ERC2: variants seen among roughly 807,000 people sequenced by gnomAD.
ERC2 encodes ELKS/RAB6-interacting/CAST family member 2, also known as ERC protein 2.
ERC2 carries 42 observed loss-of-function variants against 114.8 expected under a neutral mutation model. That is an observed-to-expected ratio of 0.37 (90% CI 0.29 to 0.47). ERC2 has a LOEUF of 0.47. ERC2 is among the 20% of genes least tolerant of loss of function. The probability of loss-of-function intolerance (pLI) is 0.99; values close to 1 mark genes in which losing one functional copy is unlikely to be tolerated. For missense variants in ERC2, 939 were observed against 1,150.7 expected (o/e 0.82, Z 2.66); for synonymous variants, 454 against 425.5 (o/e 1.07, Z -0.82).
chr3:55,819,633 A>C (rs1256202046), intron 14 of ERC2, among the ~76,000 whole-genome samples: 1 of 152,246 alleles, frequency 6.6e-6, no homozygotes, highest in East Asian at 1.9e-4. Flanking sequence ...CCACACACAG[A>C]GAGAAAAGAA....
intron 17 of ERC2, among the ~76,000 whole-genome samples, chr3:55,633,496 G>C (rs978595601): frequency 6.6e-6 from 1 of 152,076 alleles, no homozygotes; most frequent in African/African-American, 2.4e-5. Context: ...TGGCATATCT[G>C]TCTCCCTCTA....
At chr3:56,242,556 G>T (rs2051395021) in intron 3 of ERC2, among the ~76,000 whole-genome samples, 1 of 152,034 alleles carries the variant, frequency 6.6e-6, no homozygotes, top group Non-Finnish European at 1.5e-5. Context: ...ATAACAAAAT[G>T]AATACTTAGG....
chr3:55,754,211 A>G (rs1160788746), intron 14 of ERC2, among the ~76,000 whole-genome samples: 1 of 152,036 alleles, frequency 6.6e-6, no homozygotes. Context: ...TTAAAAAACC[A>G]GGAGAGAAAA....
At chr3:56,278,267 A>T (rs553666314) in intron 3 of ERC2, among the ~76,000 whole-genome samples, 1 of 152,216 alleles carries the variant, frequency 6.6e-6, no homozygotes, top group Non-Finnish European at 1.5e-5. Flanking sequence ...CTGTGTTCCA[A>T]TCCCCTGAGA....
At chr3:55,587,217 G>A (rs1027340165) in intron 17 of ERC2, among the ~76,000 whole-genome samples, 4 of 151,914 alleles carry the variant, frequency 2.6e-5, no homozygotes, top group Middle Eastern at 3.4e-3. Context: ...GCAATGGCAC[G>A]ATCTCGGCTC....
intron 4 of ERC2, among the ~76,000 whole-genome samples, chr3:56,155,111 A>G (rs1480396181): frequency 1.3e-5 from 2 of 152,142 alleles, no homozygotes; most frequent in Non-Finnish European, 2.9e-5. Flanking sequence ...TATCGCACAT[A>G]TCTATTACTT....
intron 2 of ERC2, among the ~76,000 whole-genome samples, chr3:56,361,535 G>C (rs2058958107): frequency 6.6e-6 from 1 of 152,118 alleles, no homozygotes; most frequent in Admixed American, 6.6e-5. Context: ...AAATATAAAT[G>C]GTCAAGACTC....
At chr3:56,247,676 T>G (rs2051811010) in intron 3 of ERC2, among the ~76,000 whole-genome samples, 1 of 152,224 alleles carries the variant, frequency 6.6e-6, no homozygotes, top group South Asian at 2.1e-4. Flanking sequence ...ATGGTTCTAA[T>G]GAGCCCCTGA....
At chr3:55,769,060 G>A (rs1029503885) in intron 14 of ERC2, among the ~76,000 whole-genome samples, 14 of 152,074 alleles carry the variant, frequency 9.2e-5, no homozygotes, top group African/African-American at 3.4e-4. Context: ...ATGATGAACT[G>A]GGATGAGTGT....
chr3:56,448,217 T>C (rs2062669955), intron 1 of ERC2, among the ~76,000 whole-genome samples: 1 of 152,094 alleles, frequency 6.6e-6, no homozygotes. Flanking sequence ...CTTGTTGGGG[T>C]CTCTCTTCCC....
chr3:55,560,078 C>T (rs987107874), intron 17 of ERC2, among the ~76,000 whole-genome samples: 4 of 152,170 alleles, frequency 2.6e-5, no homozygotes, highest in Admixed American at 2.0e-4. Flanking sequence ...CCCTTCCTAG[C>T]TCCAGGAAAA....
At chr3:56,441,753 G>C (rs940552826) in intron 1 of ERC2, among the ~76,000 whole-genome samples, 1 of 152,152 alleles carries the variant, frequency 6.6e-6, no homozygotes, top group African/African-American at 2.4e-5. Context: ...CACCATGTTG[G>C]CTAGGCTGGT....
chr3:55,713,479 A>T (rs2148863527), intron 15 of ERC2, among the ~76,000 whole-genome samples: 1 of 152,240 alleles, frequency 6.6e-6, no homozygotes, highest in East Asian at 1.9e-4. Context: ...GGCCTCCCAA[A>T]GTGCTGGGAT....
At chr3:56,062,125 T>C (rs2076268612) in intron 7 of ERC2, among the ~76,000 whole-genome samples, 1 of 152,210 alleles carries the variant, frequency 6.6e-6, no homozygotes, top group Non-Finnish European at 1.5e-5. Flanking sequence ...TTTAAAAGCC[T>C]AATTTGATTT....
At chr3:56,032,909 A>AG (rs1560056192) in intron 7 of ERC2, among the ~76,000 whole-genome samples, 9 of 56,924 alleles carry the variant, frequency 1.6e-4, no homozygotes, top group East Asian at 4.1e-4. Context: ...GACAGAAAGA[A>AG]AGAAAGAAAG....
intron 3 of ERC2, among the ~76,000 whole-genome samples, chr3:56,261,237 C>T (rs563635064): frequency 6.6e-6 from 1 of 152,278 alleles, no homozygotes; most frequent in South Asian, 2.1e-4. Flanking sequence ...AGAAGCTTTC[C>T]TTGCCCTCTC....
At chr3:56,340,791 G>A (rs970276250) in intron 2 of ERC2, among the ~76,000 whole-genome samples, 5 of 152,064 alleles carry the variant, frequency 3.3e-5, no homozygotes, top group Non-Finnish European at 7.4e-5. Flanking sequence ...CCTCAACAAT[G>A]AGCCAGATTT....
intron 7 of ERC2, among the ~76,000 whole-genome samples, chr3:56,050,072 G>C (rs2075690938): frequency 6.6e-6 from 1 of 152,128 alleles, no homozygotes; most frequent in South Asian, 2.1e-4. Flanking sequence ...GACTGCAAAG[G>C]GGCATGAGGG....
In ERC2 at chr3:55,534,413, G is replaced by C. The variant is rs561502628; in HGVS notation, c.*40-23137C>G. Reference sequence around the variant, plus strand: ...ACCCTGTCAAAAAAAAAAAAAAAAGGCCAGGCTTGGTGGCTCCCGCCTGTA... The same window carrying C: ...ACCCTGTCAAAAAAAAAAAAAAAAGCCCAGGCTTGGTGGCTCCCGCCTGTA... On this transcript the variant is annotated intron_variant, in intron 17 of 17. Transcript: ENST00000288221. Among the ~76,000 whole-genome samples, 576 of 124,524 alleles carry C rather than the reference G, an allele frequency of 4.6e-3. 5 individuals are homozygous for C. Among genetic ancestry groups the C allele is most frequent in the African/African-American group, 0.014 (518 of 37,012 alleles). 81.7% of individuals were successfully genotyped at this position (124,524 alleles called of 152,430 possible). A position where few individuals can be genotyped will look rare whatever the true frequency, so the allele number is the denominator to read the frequency against.
Sources: allele counts gnomAD v4.1 joint callset (sites outside exome capture counted in the v4.1 genomes callset), GRCh38; gene constraint gnomAD v4.1.1; transcripts MANE v1.5; gene names NCBI Gene and HGNC (gene_info 2026-07-23, HGNC 2026-07-21).